Variants in NLGN1 observed in about 807,000 individuals in gnomAD.
The protein encoded by NLGN1 is neuroligin-1.
NLGN1 carries 12 observed loss-of-function variants against 65.5 expected under a neutral mutation model. The ratio of observed to expected loss-of-function variants is 0.18; its 90% CI spans 0.12 to 0.30. The LOEUF (loss-of-function observed/expected upper bound fraction) is 0.30, where lower values mean the gene tolerates loss of function less well. Among genes scored for constraint, NLGN1 ranks in the 10% least tolerant of loss-of-function variants. The pLI, the probability that NLGN1 is intolerant of heterozygous loss-of-function variation, is 1.00. For missense variants in NLGN1, 750 were observed against 1,007.1 expected (o/e 0.74, Z 3.46); for synonymous variants, 350 against 359.5 (o/e 0.97, Z 0.30).
At chr3:173,532,676 T>G (rs965328854) in intron 2 of NLGN1, among the ~76,000 whole-genome samples, 1 of 152,232 alleles carries the variant, frequency 6.6e-6, no homozygotes, top group Non-Finnish European at 1.5e-5. Flanking sequence ...TACATTTGTT[T>G]CTTTTTTATT....
At chr3:173,913,834 A>G (rs1168380583) in intron 4 of NLGN1, among the ~76,000 whole-genome samples, 1 of 152,192 alleles carries the variant, frequency 6.6e-6, no homozygotes, top group Non-Finnish European at 1.5e-5. Flanking sequence ...TAAAGCAGAA[A>G]AACATACACT....
At chr3:173,986,293 C>T (rs1357741982) in intron 4 of NLGN1, among the ~76,000 whole-genome samples, 1 of 151,908 alleles carries the variant, frequency 6.6e-6, no homozygotes, top group African/African-American at 2.4e-5. Context: ...ATGGTGAAAC[C>T]ACGTCTCTAC....
intron 4 of NLGN1, among the ~76,000 whole-genome samples, chr3:173,979,907 C>CCAT (rs1321623243): frequency 2.0e-5 from 3 of 151,952 alleles, no homozygotes; most frequent in Non-Finnish European, 4.4e-5. Context: ...GTAAAATTTT[C>CCAT]CATCTGGCAC....
intron 3 of NLGN1, among the ~76,000 whole-genome samples, chr3:173,799,227 T>G (rs1714865989): frequency 1.3e-5 from 2 of 151,974 alleles, no homozygotes; most frequent in Non-Finnish European, 2.9e-5. Flanking sequence ...ATGATTGCTT[T>G]TTGCATGAGG....
intron 4 of NLGN1, among the ~76,000 whole-genome samples, chr3:173,973,613 T>C (rs1054938568): frequency 6.6e-6 from 1 of 152,026 alleles, no homozygotes; most frequent in African/African-American, 2.4e-5. Flanking sequence ...CCACATCAAA[T>C]ATAGTAGCCT....
chr3:173,761,886 C>T (rs927690349), intron 3 of NLGN1, among the ~76,000 whole-genome samples: 2 of 151,964 alleles, frequency 1.3e-5, no homozygotes, highest in Admixed American at 6.6e-5. Context: ...AGCTAAGGAT[C>T]GTCAGTCTGT....
chr3:173,693,368 G>A (rs1295315462), intron 3 of NLGN1, among the ~76,000 whole-genome samples: 1 of 151,984 alleles, frequency 6.6e-6, no homozygotes, highest in African/African-American at 2.4e-5. Flanking sequence ...GAATAGGGAG[G>A]TAGCATAAAT....
intron 4 of NLGN1, among the ~76,000 whole-genome samples, chr3:174,030,514 C>T (rs1729780109): frequency 6.6e-6 from 1 of 152,130 alleles, no homozygotes; most frequent in Admixed American, 6.5e-5. Flanking sequence ...AGTTAAATTT[C>T]CGTGTAAGCT....
chr3:174,095,667 T>C (rs1244162494), intron 4 of NLGN1, among the ~76,000 whole-genome samples: 1 of 152,028 alleles, frequency 6.6e-6, no homozygotes, highest in Non-Finnish European at 1.5e-5. Flanking sequence ...TGTGTATAGA[T>C]ACATATATAC....
intron 3 of NLGN1, among the ~76,000 whole-genome samples, chr3:173,721,942 TAA>T (rs34282659): frequency 6.8e-6 from 1 of 147,102 alleles, no homozygotes; most frequent in Non-Finnish European, 1.5e-5. Flanking sequence ...TATCTGCTCG[TAA>T]AAAAAAAAAG....
intron 4 of NLGN1, among the ~76,000 whole-genome samples, chr3:173,902,351 A>G (rs1374383540): frequency 6.6e-6 from 1 of 152,144 alleles, no homozygotes; most frequent in Non-Finnish European, 1.5e-5. Flanking sequence ...ACTGGTGAGG[A>G]TTTCAGAATT....
At chr3:173,497,750 G>GA (rs138700456) in intron 2 of NLGN1, among the ~76,000 whole-genome samples, 4,750 of 151,254 alleles carry the variant, frequency 0.031, 333 homozygotes, top group African/African-American at 0.11. Flanking sequence ...ATTTGCATTA[G>GA]AAAAAAAATC....
intron 2 of NLGN1, among the ~76,000 whole-genome samples, chr3:173,556,980 A>G (rs1271800727): frequency 1.3e-5 from 2 of 152,172 alleles, no homozygotes; most frequent in African/African-American, 4.8e-5. Context: ...GGATATATAA[A>G]TATAAATATC....
At chr3:173,945,005 A>G (rs558464670) in intron 4 of NLGN1, among the ~76,000 whole-genome samples, 2 of 152,254 alleles carry the variant, frequency 1.3e-5, no homozygotes, top group South Asian at 4.1e-4. Flanking sequence ...CACTTACTGA[A>G]TAATTTGGAC....
chr3:173,577,325 C>G (rs931683669), intron 2 of NLGN1, among the ~76,000 whole-genome samples: 1 of 152,150 alleles, frequency 6.6e-6, no homozygotes. Context: ...ACCATCTATC[C>G]TCATAGTCTA....
chr3:174,011,224 A>G (rs548153717), intron 4 of NLGN1, among the ~76,000 whole-genome samples: 3 of 152,290 alleles, frequency 2.0e-5, no homozygotes, highest in Non-Finnish European at 2.9e-5. Context: ...TTCAGTATTA[A>G]TCTATGTCCC....
intron 4 of NLGN1, among the ~76,000 whole-genome samples, chr3:174,265,281 C>G (rs4337647): frequency 0.16 from 24,428 of 149,424 alleles, 2,299 homozygotes; most frequent in East Asian, 0.48. Context: ...CCCCCAGCCT[C>G]GCTGCCGCCT....
At chr3:173,745,169 T>G (rs960489372) in intron 3 of NLGN1, among the ~76,000 whole-genome samples, 7 of 152,108 alleles carry the variant, frequency 4.6e-5, no homozygotes, top group African/African-American at 1.4e-4. Context: ...ATGTCAGCTC[T>G]TGCCATATTT....
At chr3:173,691,622 G>C (rs1212399971) in intron 3 of NLGN1, among the ~76,000 whole-genome samples, 2 of 152,048 alleles carry the variant, frequency 1.3e-5, no homozygotes, top group African/African-American at 4.8e-5. Flanking sequence ...TTAAGAGTTA[G>C]GAGAGACCTT....
Sources: gnomAD v4.1 joint callset for allele counts (sites outside exome capture counted in the v4.1 genomes callset) on GRCh38, gnomAD v4.1.1 for gene constraint, MANE v1.5 for transcripts, NCBI Gene and HGNC (gene_info 2026-07-23, HGNC 2026-07-21) for gene names.